Variants in RNF149 observed in about 807,000 individuals in gnomAD.
RNF149 encodes the protein ring finger protein 149.
In RNF149, 21 loss-of-function variants were observed where a neutral mutation model predicts 39.0. That is an observed-to-expected ratio of 0.54 (90% CI 0.38 to 0.77). The LOEUF is 0.77. Among genes scored for constraint, RNF149 ranks in the 30% least tolerant of loss-of-function variants. The probability of loss-of-function intolerance (pLI) is 0.00; values close to 1 mark genes in which losing one functional copy is unlikely to be tolerated. For missense variants in RNF149, 493 were observed against 534.9 expected (o/e 0.92, Z 0.77); for synonymous variants, 209 against 213.6 (o/e 0.98, Z 0.19).
rs149602315 is a variant in RNF149, at chr2:101,300,870, C to A, written c.461-5689G>T. ...GCTAGTTCAGGGGTCAGTATGTGCA[C>A]AACTGCAAGGGGTGCCAGGCACGGG... On this transcript the variant is annotated intron_variant, in intron 1 of 6. Coordinates refer to ENST00000295317, the MANE Select transcript of RNF149 (RefSeq NM_173647.4). Among the ~76,000 whole-genome samples the A allele has an allele frequency of 7.2e-3, 1,093 of 152,318 alleles. 7 individuals are homozygous for A. Among genetic ancestry groups the A allele is most frequent in the Non-Finnish European group, 0.013 (885 of 68,038 alleles).
chr2:101,275,145 T>C (rs1301580682), downstream of RNF149, among the ~76,000 whole-genome samples: 4 of 84,372 alleles, frequency 4.7e-5, 1 homozygote, highest in African/African-American at 1.9e-4. Flanking sequence ...TGAGGCGGAG[T>C]CTTGCTCTGT....
rs1415942027 is a variant in RNF149, at chr2:101,275,938, T to G, written c.*1300A>C. On this transcript the variant is annotated 3_prime_UTR_variant, in exon 7 of 7. Transcript: ENST00000295317. Reference sequence around the variant, plus strand: ...TTTCTACTTCAATAGCTCCTCATACTGCATCTGTCTGTAGAGTTTATTTCA... The same window carrying G: ...TTTCTACTTCAATAGCTCCTCATACGGCATCTGTCTGTAGAGTTTATTTCA... 1.4e-5 allele frequency: 14 copies of G among 984,318 alleles called. No homozygotes were observed. Among genetic ancestry groups the G allele is most frequent in the Non-Finnish European group, 1.7e-5 (14 of 829,008 alleles). 61.0% of individuals were successfully genotyped at this position (984,318 alleles called of 1,614,324 possible).
rs542405945 is a variant in RNF149 at position 101,281,621 on chromosome 2, ATTC to A, written c.1159+235_1159+237del. ...TCACAAGCCACTCTCCTGCCTCAGC[ATTC>A]TGAGTAGCTGGGACTACAGGAGAAT... On this transcript the variant is annotated intron_variant, in intron 6 of 6. Transcript: ENST00000295317. The A allele has an allele frequency of 7.0e-4, 357 of 512,244 alleles. 3 individuals are homozygous for A. The highest frequency in any genetic ancestry group is 6.4e-3 in the African/African-American group (333 of 51,844). The allele number at this position is 512,244 out of a possible 1,614,324, so 31.7% of individuals were successfully genotyped here.
At position 101,294,956 on chromosome 2, in the gene RNF149, T is replaced by C. The variant is rs1683160972; in HGVS notation, c.686A>G (p.Tyr229Cys). The C allele has an allele frequency of 1.9e-6, 3 of 1,613,612 alleles. No homozygotes were observed. Among genetic ancestry groups the C allele is most frequent in the African/African-American group, 1.3e-5 (1 of 74,912 alleles). Residue 229 changes from tyrosine (Y) to cysteine (C), a missense_variant, in exon 2 of 7, where the codon TAT (tyrosine) becomes TGT (cysteine). Tyr to Cys is a radical substitution (Grantham distance 194). Transcript: ENST00000295317. ...CTGACTTCCAATCTGAGAGCCAGTA[T>C]ATAGGAAACGCTGTATATAGTAAAA... is the stretch of plus-strand genomic sequence containing the variant. The part of the protein sequence containing the change: ...LIFYYIQRFL[Y>C]TGSQIGSQSH...
intron 3 of RNF149, among the ~76,000 whole-genome samples, chr2:101,292,692 G>C (rs1394766597): frequency 6.6e-6 from 1 of 152,164 alleles, no homozygotes; most frequent in African/African-American, 2.4e-5. Flanking sequence ...CGTGAACCCG[G>C]GAGGCGGAGC....
intron 6 of RNF149, among the ~76,000 whole-genome samples, chr2:101,279,561 A>G (rs1038815334): frequency 7.9e-5 from 12 of 152,344 alleles, no homozygotes; most frequent in Middle Eastern, 6.8e-3. Flanking sequence ...CTGGCTCTAT[A>G]TAAAGACATT....
chr2:101,271,519 C>G (rs1386345540), downstream of RNF149: 1 of 148,990 alleles, frequency 6.7e-6, no homozygotes, highest in Non-Finnish European at 1.5e-5. Context: ...GTAGTCCCAG[C>G]TACTCTGGAA....
chr2:101,272,211 C>T (rs554080714), downstream of RNF149, among the ~76,000 whole-genome samples: 2 of 152,322 alleles, frequency 1.3e-5, no homozygotes, highest in South Asian at 4.1e-4. Flanking sequence ...GGATCTGATA[C>T]CTGCAATCAG....
rs1682882550 is a variant in RNF149, at chr2:101,288,528, G to C, written c.863+445C>G. On this transcript the variant is annotated intron_variant, in intron 4 of 6. Transcript: ENST00000295317. ...GCCACAGTGCCCAGCCAGGAATATTGATTTTAAACAACCTCAGAAGGAACG... is the reference window on the plus strand; with the variant it reads ...GCCACAGTGCCCAGCCAGGAATATTCATTTTAAACAACCTCAGAAGGAACG... Among the ~76,000 whole-genome samples the C allele has an allele frequency of 2.0e-5, 3 of 152,024 alleles. No homozygotes were observed. The South Asian group carries it at 6.2e-4, about 31-fold the overall frequency.
At chr2:101,279,052 A>G (rs1682474763) in intron 6 of RNF149, among the ~76,000 whole-genome samples, 1 of 152,228 alleles carries the variant, frequency 6.6e-6, no homozygotes, top group Admixed American at 6.5e-5. Flanking sequence ...TTTCTAATTT[A>G]GTGTTTTTCA....
At chr2:101,272,908 C>T (rs776086470), downstream of RNF149, 18 of 1,334,430 alleles carry the variant, frequency 1.3e-5, no homozygotes, top group South Asian at 1.9e-4. Context: ...CTTGACAGCT[C>T]CCATGGCATG....
At chr2:101,275,431 C>CTTTTT (rs59154104), downstream of RNF149, among the ~76,000 whole-genome samples, 16 of 26,602 alleles carry the variant, frequency 6.0e-4, 5 homozygotes, top group East Asian at 2.8e-3. Flanking sequence ...CCTAGTATTT[C>CTTTTT]TTTTTTTTTT....
intron 6 of RNF149, among the ~76,000 whole-genome samples, chr2:101,279,662 A>G (rs750104752): frequency 3.3e-5 from 5 of 152,236 alleles, no homozygotes; most frequent in African/African-American, 4.8e-5. Context: ...ATGCCTACAC[A>G]GATCAATCGC....
chr2:101,276,246 A>C lies in RNF149; in HGVS notation c.*992T>G, dbSNP rs542451196. 1.0e-6 allele frequency: 1 copy of C among 985,358 alleles called. No homozygotes were observed. Among genetic ancestry groups the C allele is most frequent in the East Asian group, 1.1e-4 (1 of 8,816 alleles). 61.0% of individuals were successfully genotyped at this position (985,358 alleles called of 1,614,324 possible). A position where few individuals can be genotyped will look rare whatever the true frequency, so the allele number is the denominator to read the frequency against. ...AAAATAGCAGAGTGTGTGTTTAATC[A>C]CTTTTTAACACTTAGCAGTCTCCAA... is the stretch of plus-strand genomic sequence containing the variant. On this transcript the variant is annotated 3_prime_UTR_variant, in exon 7 of 7. Transcript: ENST00000295317.
chr2:101,274,529 A>G (rs1187255316), downstream of RNF149, among the ~76,000 whole-genome samples: 2 of 152,240 alleles, frequency 1.3e-5, no homozygotes, highest in African/African-American at 4.8e-5. Context: ...AAACAGCTCC[A>G]ATCTGTTAAC....
At chr2:101,305,280 G>A (rs747695487) in intron 1 of RNF149, among the ~76,000 whole-genome samples, 1 of 152,150 alleles carries the variant, frequency 6.6e-6, no homozygotes, top group Non-Finnish European at 1.5e-5. Context: ...AGTCTGAGCT[G>A]TCTTCAAGGC....
At chr2:101,273,148 TAC>T, downstream of RNF149, 7 of 1,335,968 alleles carry the variant, frequency 5.2e-6, no homozygotes, top group Non-Finnish European at 7.0e-6. Context: ...TGTGTGTTTT[TAC>T]ACCTCTCTGG....
At chr2:101,284,567 T>TGAGG (rs371778426) in intron 5 of RNF149, among the ~76,000 whole-genome samples, 90 of 151,852 alleles carry the variant, frequency 5.9e-4, no homozygotes, top group Admixed American at 1.8e-3. Flanking sequence ...GGCGACAGAG[T>TGAGG]GAGGCTGTCT....
chr2:101,272,978 C>T (rs754935746), downstream of RNF149: 8 of 1,352,370 alleles, frequency 5.9e-6, no homozygotes, highest in South Asian at 8.0e-5. Context: ...ATTTTGTCAT[C>T]GTGTGCCCAT....
Sources: allele counts gnomAD v4.1 joint callset (sites outside exome capture counted in the v4.1 genomes callset), GRCh38; gene constraint gnomAD v4.1.1; transcripts MANE v1.5; gene names NCBI Gene and HGNC (gene_info 2026-07-23, HGNC 2026-07-21).